The following RFTN1 variants were observed in gnomAD, a reference collection of about 807,000 sequenced individuals.
The protein encoded by RFTN1 is raftlin, lipid raft linker 1, also known as raftlin.
Under a neutral mutation model 46.5 loss-of-function variants are expected in RFTN1, and 26 were observed. The observed-to-expected ratio is 0.56, with a 90% CI of 0.41 to 0.78. The LOEUF (loss-of-function observed/expected upper bound fraction) is 0.78, where lower values mean the gene tolerates loss of function less well. RFTN1 is among the 30% of genes least tolerant of loss of function. The pLI, the probability that RFTN1 is intolerant of heterozygous loss-of-function variation, is 0.00. For missense variants in RFTN1, 693 were observed against 718.7 expected, an observed-to-expected ratio of 0.96 and a Z score of 0.41; for synonymous variants, 261 against 284.2, an observed-to-expected ratio of 0.92 and a Z score of 0.82.
chr3:16,385,307 C>T lies in RFTN1; in HGVS notation c.442-7205G>A, dbSNP rs1368541325. Among the ~76,000 whole-genome samples, 1 of 152,180 alleles carries T rather than the reference C, an allele frequency of 6.6e-6. No individual in the cohort carries two copies. The highest frequency in any genetic ancestry group is 1.5e-5 in the Non-Finnish European group (1 of 68,038). Reference sequence around the variant, plus strand: ...ACGGGTTTGAGCTCACATCTGAAGCCGCCTTTAGTTTTGACATGTTAACAC... The same window carrying T: ...ACGGGTTTGAGCTCACATCTGAAGCTGCCTTTAGTTTTGACATGTTAACAC... On this transcript the variant is annotated intron_variant, in intron 4 of 9. Transcript: ENST00000334133. This position sits in a 1 kb window ranked among gnomAD's most constrained non-coding sequence, Gnocchi z 5.0.
At position 16,356,257 on chromosome 3, in the gene RFTN1, G is replaced by C. The variant is rs1368480212; in HGVS notation, c.1146+1675C>G. Among the ~76,000 whole-genome samples, 1 of 152,146 alleles carries C rather than the reference G, an allele frequency of 6.6e-6. No homozygotes were observed. Among genetic ancestry groups the C allele is most frequent in the Non-Finnish European group, 1.5e-5 (1 of 68,032 alleles). On this transcript the variant is annotated intron_variant, in intron 7 of 9. Coordinates refer to ENST00000334133, the MANE Select transcript of RFTN1 (RefSeq NM_015150.2). The surrounding 1 kb of genome is among the most constrained non-coding windows in gnomAD (Gnocchi z 4.9). ...GCATCCCATTTCTAGTTAGGAGCAT[G>C]GACCCTGGAGAGACCATGGGCAGCA...
At chr3:16,364,020 C>A (rs1269099802) in intron 6 of RFTN1, among the ~76,000 whole-genome samples, 1 of 152,236 alleles carries the variant, frequency 6.6e-6, no homozygotes, top group African/African-American at 2.4e-5. Flanking sequence ...GCTCTATTAA[C>A]CAAAGAATGA....
Position 16,317,210 on chromosome 3 carries a change from T to C in RFTN1, c.1355A>G (p.Glu452Gly), listed in dbSNP as rs765074785. Residue 452 changes from glutamate (E) to glycine (G), a missense_variant, in exon 10 of 10, where the codon GAA becomes GGA. By Grantham distance (98) the Glu-to-Gly change is moderately conservative (BLOSUM62 -2). Transcript: ENST00000334133. This position sits in a 1 kb window ranked among gnomAD's most constrained non-coding sequence, Gnocchi z 4.3. ...CCTCATCTGCCTGTTGTGCATTTCTTCTCTGGAGAATCGCCACTGAAACTA... is the reference window on the plus strand; with the variant it reads ...CCTCATCTGCCTGTTGTGCATTTCTCCTCTGGAGAATCGCCACTGAAACTA... ...ESKFQWRFSR[E>G]EMHNRQMRKS... is the part of the protein sequence containing the mutation. 3 of 1,613,002 alleles carry C rather than the reference T, an allele frequency of 1.9e-6. No homozygotes were observed. The highest frequency in any genetic ancestry group is 2.5e-6 in the Non-Finnish European group (3 of 1,179,968).
chr3:16,423,687 TGAA>T (rs1396492389), intron 3 of RFTN1, among the ~76,000 whole-genome samples: 2 of 152,168 alleles, frequency 1.3e-5, no homozygotes, highest in Admixed American at 1.3e-4. Context: ...AGAAATCATA[TGAA>T]GAAGTACCTG....
Position 16,424,377 on chromosome 3 carries a change from CA to C in RFTN1, c.332+9473del, listed in dbSNP as rs2075249987. On this transcript the variant is annotated intron_variant, in intron 3 of 9. Transcript: ENST00000334133. The surrounding 1 kb of genome is among the most constrained non-coding windows in gnomAD (Gnocchi z 4.7). ...GGAAGGTCATGGTATCTTTTGGTTACAAAACAGTGTATGTCTAAAACCTCTG... is the reference window on the plus strand; with the variant it reads ...GGAAGGTCATGGTATCTTTTGGTTACAAACAGTGTATGTCTAAAACCTCTG... 6.6e-6 allele frequency among the ~76,000 whole-genome samples: 1 copy of C among 152,142 alleles called. No individual in the cohort carries two copies. Among genetic ancestry groups the C allele is most frequent in the Non-Finnish European group, 1.5e-5 (1 of 68,014 alleles).
In RFTN1 at chr3:16,479,493, C is replaced by A. The variant is rs2076331961; in HGVS notation, c.145+14232G>T. ...AGGCAATCCAGAAAAACCTCAACAT[C>A]CTTCTCCCCATTCCTTGCACACCTT... On this transcript the variant is annotated intron_variant, in intron 2 of 9. Coordinates refer to ENST00000334133, the MANE Select transcript of RFTN1 (RefSeq NM_015150.2). The surrounding 1 kb of genome is among the most constrained non-coding windows in gnomAD (Gnocchi z 5.1). Among the ~76,000 whole-genome samples, 1 of 152,222 alleles carries A rather than the reference C, an allele frequency of 6.6e-6. No individual in the cohort carries two copies.
intron 7 of RFTN1, among the ~76,000 whole-genome samples, chr3:16,350,709 G>T (rs2125317866): frequency 6.6e-6 from 1 of 152,252 alleles, no homozygotes; most frequent in East Asian, 1.9e-4. Flanking sequence ...AGCCTGGGAG[G>T]GGTTTGGGTG....
intron 7 of RFTN1, among the ~76,000 whole-genome samples, chr3:16,328,872 C>T (rs1243677082): frequency 1.3e-5 from 2 of 152,230 alleles, no homozygotes; most frequent in Non-Finnish European, 2.9e-5. Context: ...TCAAATCTAA[C>T]TTTTTCCCAT....
At chr3:16,366,102 G>C (rs977680102) in intron 6 of RFTN1, among the ~76,000 whole-genome samples, 1 of 152,122 alleles carries the variant, frequency 6.6e-6, no homozygotes, top group African/African-American at 2.4e-5. Context: ...AGGGCAAAGA[G>C]GGTAGTTGGA....
rs1450492762 is a variant in RFTN1, at chr3:16,513,627, G to A, written c.-194C>T. ...TGTCCCTCCGGCGATCGGTGCGTCT[G>A]TCCCTCGCCGGAGCCCGCGGCCGCC... is the stretch of plus-strand genomic sequence containing the variant. On this transcript the variant is annotated 5_prime_UTR_variant, in exon 1 of 10. Transcript: ENST00000334133. This position sits in a 1 kb window ranked among gnomAD's most constrained non-coding sequence, Gnocchi z 5.4. The A allele has an allele frequency of 3.3e-5, 5 of 151,842 alleles. No individual in the cohort carries two copies. The allele number at this position is 151,842 out of a possible 1,614,324, so 9.4% of individuals were successfully genotyped here. A position where few individuals can be genotyped will look rare whatever the true frequency, so the allele number is the denominator to read the frequency against.
At chr3:16,472,158 A>G (rs980235294) in intron 2 of RFTN1, 1 of 152,184 alleles carries the variant, frequency 6.6e-6, no homozygotes, top group African/African-American at 2.4e-5. Flanking sequence ...TAAAGAGGAA[A>G]AGTCACATTT....
chr3:16,339,383 G>A (rs690437), intron 7 of RFTN1: 65,733 of 151,988 alleles, frequency 0.43, 14,367 homozygotes, highest in East Asian at 0.5. Flanking sequence ...TAGGGCTTCT[G>A]AGGTGCCAGA....
At chr3:16,437,636 G>A (rs541448639) in intron 2 of RFTN1, among the ~76,000 whole-genome samples, 9 of 152,152 alleles carry the variant, frequency 5.9e-5, no homozygotes, top group Admixed American at 2.0e-4. Flanking sequence ...ACTCCAGCCT[G>A]GGGTGACAGA....
chr3:16,478,000 ACAGTGAT>A lies in RFTN1; in HGVS notation c.145+15718_145+15724del, dbSNP rs2076309812. On this transcript the variant is annotated intron_variant, in intron 2 of 9. Transcript: ENST00000334133. ...AAATGACAAAAATGGAAAAATCAAC[ACAGTGAT>A]CATTTGCTTCTAGATTAGCAGAAGA... is the stretch of plus-strand genomic sequence containing the variant. Among the ~76,000 whole-genome samples, 3 of 152,194 alleles carry A rather than the reference ACAGTGAT, an allele frequency of 2.0e-5. No homozygotes were observed. The South Asian group carries it at 6.2e-4, about 32-fold the overall frequency.
Position 16,345,809 on chromosome 3 carries a change from T to C in RFTN1, c.1146+12123A>G. Among the ~76,000 whole-genome samples, 1 of 85,842 alleles carries C rather than the reference T, an allele frequency of 1.2e-5. No homozygotes were observed. The highest frequency in any genetic ancestry group is 3.6e-4 in the South Asian group (1 of 2,752). The allele number at this position is 85,842 out of a possible 152,430, so 56.3% of individuals were successfully genotyped here. ...ATCTCTGTGTGTGTGTGTGTGTGTG[T>C]GTGTGTGTGCGCGCGCGCGTGCGCG... On this transcript the variant is annotated intron_variant, in intron 7 of 9. Coordinates refer to ENST00000334133, the MANE Select transcript of RFTN1 (RefSeq NM_015150.2). The surrounding 1 kb of genome is among the most constrained non-coding windows in gnomAD (Gnocchi z 5.2).
At position 16,342,543 on chromosome 3, in the gene RFTN1, T is replaced by C. The variant is rs1367524821; in HGVS notation, c.1146+15389A>G. Among the ~76,000 whole-genome samples the C allele has an allele frequency of 6.6e-6, 1 of 152,188 alleles. No individual in the cohort carries two copies. Among genetic ancestry groups the C allele is most frequent in the Non-Finnish European group, 1.5e-5 (1 of 68,030 alleles). The stretch of plus-strand genomic sequence containing the variant: ...CATATGTTTTCATTTCTCTTAAATA[T>C]AGGGGTGGAATTGCTGGGTCATATG... On this transcript the variant is annotated intron_variant, in intron 7 of 9. Transcript: ENST00000334133. This position sits in a 1 kb window ranked among gnomAD's most constrained non-coding sequence, Gnocchi z 4.0.
In RFTN1 at chr3:16,465,941, C is replaced by T. The variant is rs982121566; in HGVS notation, c.145+27784G>A. Among the ~76,000 whole-genome samples the T allele has an allele frequency of 2.6e-5, 4 of 152,214 alleles. No individual in the cohort carries two copies. Among genetic ancestry groups the T allele is most frequent in the African/African-American group, 4.8e-5 (2 of 41,452 alleles). Reference sequence around the variant, plus strand: ...ACAAAAAGCTCTCGGGCCTCCCTGACAAGATTCCATAGTTGTTTCTCTCAG... The same window carrying T: ...ACAAAAAGCTCTCGGGCCTCCCTGATAAGATTCCATAGTTGTTTCTCTCAG... On this transcript the variant is annotated intron_variant, in intron 2 of 9. Coordinates refer to ENST00000334133, the MANE Select transcript of RFTN1 (RefSeq NM_015150.2). This position sits in a 1 kb window ranked among gnomAD's most constrained non-coding sequence, Gnocchi z 5.1.
intron 3 of RFTN1, 36 bp from the exon 4 acceptor site, chr3:16,409,519 A>G: frequency 7.2e-7 from 1 of 1,396,030 alleles, no homozygotes; most frequent in Non-Finnish European, 1.0e-6. Context: ...GAAACAGATT[A>G]ATATCTTGCA....
At position 16,334,410 on chromosome 3, in the gene RFTN1, G is replaced by A. The variant is rs2070651738; in HGVS notation, c.1147-7534C>T. Reference sequence around the variant, plus strand: ...CTTTGACCCAACAATCTCACTTCTGGGAATTTAACCTACGTATTAAAAAAT... The same window carrying A: ...CTTTGACCCAACAATCTCACTTCTGAGAATTTAACCTACGTATTAAAAAAT... On this transcript the variant is annotated intron_variant, in intron 7 of 9. Transcript: ENST00000334133. The surrounding 1 kb of genome is among the most constrained non-coding windows in gnomAD (Gnocchi z 4.3). Among the ~76,000 whole-genome samples, 1 of 152,080 alleles carries A rather than the reference G, an allele frequency of 6.6e-6. No individual in the cohort carries two copies. Among genetic ancestry groups the A allele is most frequent in the Non-Finnish European group, 1.5e-5 (1 of 68,028 alleles).
Sources: gnomAD v4.1 joint callset for allele counts (sites outside exome capture counted in the v4.1 genomes callset) on GRCh38, gnomAD v4.1.1 for gene constraint, Gnocchi (gnomAD v3.1) non-coding constraint, MANE v1.5 for transcripts, NCBI Gene and HGNC (gene_info 2026-07-23, HGNC 2026-07-21) for gene names.